Variants in KCNQ5 observed in about 807,000 individuals in gnomAD.
The protein encoded by KCNQ5 is potassium voltage-gated channel subfamily KQT member 5.
Under a neutral mutation model 98.2 loss-of-function variants are expected in KCNQ5, and 30 were observed. The ratio of observed to expected loss-of-function variants is 0.31; its 90% CI spans 0.23 to 0.41. The LOEUF (loss-of-function observed/expected upper bound fraction) is 0.41, where lower values mean the gene tolerates loss of function less well. Among genes scored for constraint, KCNQ5 ranks in the 10% least tolerant of loss-of-function variants. The probability of loss-of-function intolerance (pLI) is 1.00; values close to 1 mark genes in which losing one functional copy is unlikely to be tolerated. For missense variants in KCNQ5, 835 were observed against 1,182.5 expected, an observed-to-expected ratio of 0.71 and a Z score of 4.31; for synonymous variants, 458 against 449.4, an observed-to-expected ratio of 1.02 and a Z score of -0.24.
At chr6:73,029,779 A>G (rs918773871) in intron 2 of KCNQ5, among the ~76,000 whole-genome samples, 2 of 151,700 alleles carry the variant, frequency 1.3e-5, no homozygotes, top group African/African-American at 4.8e-5. Flanking sequence ...TAAAAATACA[A>G]AAAATTAGCT....
chr6:73,093,116 T>C (rs892955398), intron 5 of KCNQ5, among the ~76,000 whole-genome samples: 1 of 152,198 alleles, frequency 6.6e-6, no homozygotes, highest in South Asian at 2.1e-4. Flanking sequence ...TATCTAATTC[T>C]TCCTGATTTA....
chr6:72,624,435 TAAAG>T (rs141006150), intron 1 of KCNQ5, among the ~76,000 whole-genome samples: 7,693 of 152,266 alleles, frequency 0.051, 596 homozygotes, highest in African/African-American at 0.17. Flanking sequence ...CAGAGAGAGT[TAAAG>T]AAAGCCTTGG....
chr6:73,183,615 G>A (rs1778474835), intron 11 of KCNQ5, among the ~76,000 whole-genome samples: 1 of 152,092 alleles, frequency 6.6e-6, no homozygotes, highest in Admixed American at 6.5e-5. Flanking sequence ...TGCTGCAGGG[G>A]GCAAGGAGGA....
intron 1 of KCNQ5, among the ~76,000 whole-genome samples, chr6:72,828,294 A>C (rs1381778151): frequency 6.6e-6 from 1 of 152,152 alleles, no homozygotes; most frequent in Non-Finnish European, 1.5e-5. Context: ...TAGGAATTGC[A>C]TTGAATCTGT....
intron 1 of KCNQ5, among the ~76,000 whole-genome samples, chr6:72,654,983 T>C (rs1766071949): frequency 6.6e-6 from 1 of 152,062 alleles, no homozygotes; most frequent in African/African-American, 2.4e-5. Context: ...TAAACACTGC[T>C]TACCTTCTTT....
At chr6:72,662,093 C>T (rs1245510392) in intron 1 of KCNQ5, among the ~76,000 whole-genome samples, 2 of 152,010 alleles carry the variant, frequency 1.3e-5, no homozygotes, top group Admixed American at 6.6e-5. Context: ...TATTTCTTTC[C>T]TCATCTGATG....
chr6:72,964,942 TA>T (rs34416432), intron 1 of KCNQ5, among the ~76,000 whole-genome samples: 75,767 of 151,800 alleles, frequency 0.5, 21,854 homozygotes, highest in Non-Finnish European at 0.64. Flanking sequence ...GTGCTTTTTT[TA>T]AAAAAAAATT....
At chr6:72,755,890 T>C (rs933707637) in intron 1 of KCNQ5, among the ~76,000 whole-genome samples, 1 of 152,180 alleles carries the variant, frequency 6.6e-6, no homozygotes, top group Non-Finnish European at 1.5e-5. Flanking sequence ...ATAGCATAGG[T>C]CTGCTGGCTT....
At chr6:72,814,514 T>G (rs1339165430) in intron 1 of KCNQ5, among the ~76,000 whole-genome samples, 1 of 152,224 alleles carries the variant, frequency 6.6e-6, no homozygotes, top group African/African-American at 2.4e-5. Flanking sequence ...CACAGGAAGT[T>G]AAGCATTTTT....
At chr6:73,145,751 C>T (rs758543812) in intron 10 of KCNQ5, among the ~76,000 whole-genome samples, 1 of 152,104 alleles carries the variant, frequency 6.6e-6, no homozygotes, top group Admixed American at 6.5e-5. Context: ...TTAGTTTTTT[C>T]GCACACTGCT....
chr6:72,785,841 C>T (rs1048480954), intron 1 of KCNQ5, among the ~76,000 whole-genome samples: 1 of 152,062 alleles, frequency 6.6e-6, no homozygotes, highest in African/African-American at 2.4e-5. Context: ...GTGCACACAT[C>T]ACAGAGTTAC....
At chr6:72,772,729 G>A (rs1772961040) in intron 1 of KCNQ5, among the ~76,000 whole-genome samples, 1 of 152,106 alleles carries the variant, frequency 6.6e-6, no homozygotes, top group African/African-American at 2.4e-5. Flanking sequence ...GTTGCTTGTT[G>A]GATAAGAAAA....
intron 10 of KCNQ5, among the ~76,000 whole-genome samples, chr6:73,163,183 G>A (rs548114914): frequency 2.6e-4 from 40 of 152,202 alleles, no homozygotes; most frequent in African/African-American, 8.9e-4. Context: ...GAGATCAGGA[G>A]TTCAAGACCA....
At chr6:72,623,183 C>G (rs1469319058) in intron 1 of KCNQ5, among the ~76,000 whole-genome samples, 2 of 152,302 alleles carry the variant, frequency 1.3e-5, no homozygotes, top group East Asian at 3.9e-4. Context: ...GCATGTAGCC[C>G]TTCCTGCCAC....
At chr6:73,115,915 C>A (rs976306943) in intron 7 of KCNQ5, among the ~76,000 whole-genome samples, 56 of 152,232 alleles carry the variant, frequency 3.7e-4, no homozygotes, top group Middle Eastern at 6.8e-3. Context: ...GCTATGCAGG[C>A]CTTGAGAACA....
chr6:73,119,388 T>A (rs1025898448), intron 7 of KCNQ5, among the ~76,000 whole-genome samples: 3 of 152,254 alleles, frequency 2.0e-5, no homozygotes, highest in Admixed American at 6.5e-5. Flanking sequence ...AAAACAGGAA[T>A]CTTAATTCAC....
At chr6:72,819,691 G>A (rs946265412) in intron 1 of KCNQ5, among the ~76,000 whole-genome samples, 3 of 152,148 alleles carry the variant, frequency 2.0e-5, no homozygotes, top group Non-Finnish European at 4.4e-5. Flanking sequence ...AGTGTCCCAG[G>A]GGCTCTGGCC....
intron 1 of KCNQ5, among the ~76,000 whole-genome samples, chr6:72,893,183 G>C (rs1472751248): frequency 6.6e-6 from 1 of 152,222 alleles, no homozygotes; most frequent in African/African-American, 2.4e-5. Context: ...CTGGCAAGCA[G>C]TGTGGGCCAG....
intron 1 of KCNQ5, among the ~76,000 whole-genome samples, chr6:72,920,896 C>T (rs536385217): frequency 1.3e-5 from 2 of 152,092 alleles, no homozygotes; most frequent in African/African-American, 2.4e-5. Flanking sequence ...ATTTGAGTTG[C>T]GTTCAATTGG....
Sources: allele counts gnomAD v4.1 joint callset (sites outside exome capture counted in the v4.1 genomes callset), GRCh38; gene constraint gnomAD v4.1.1; transcripts MANE v1.5; gene names NCBI Gene and HGNC (gene_info 2026-07-23, HGNC 2026-07-21).